The following ABCD3 variants were observed in gnomAD, a reference collection of about 807,000 sequenced individuals.
ABCD3 encodes ATP-binding cassette sub-family D member 3.
A neutral mutation model predicts 105.5 loss-of-function variants in ABCD3; 41 were observed. The ratio of observed to expected loss-of-function variants is 0.39; its 90% CI spans 0.30 to 0.50. The LOEUF is 0.50. ABCD3 is among the 20% of genes least tolerant of loss of function. The pLI is 0.84. For missense variants in ABCD3, 622 were observed against 806.3 expected (o/e 0.77, Z 2.77); for synonymous variants, 258 against 269.0 (o/e 0.96, Z 0.40).
chr1:94,410,246 T>C, the ABCD3 span, among the ~76,000 whole-genome samples: 1 of 152,212 alleles, frequency 6.6e-6, no homozygotes, highest in African/African-American at 2.4e-5. Flanking sequence ...TAGATTCCCA[T>C]AGTACTTTGA....
chr1:94,442,464 TTTACA>T (rs1310376314), intron 1 of ABCD3, among the ~76,000 whole-genome samples: 1 of 152,200 alleles, frequency 6.6e-6, no homozygotes, highest in East Asian at 1.9e-4. Flanking sequence ...TAAAATAGTC[TTTACA>T]TTAAAAAAAT....
chr1:94,437,130 C>T (rs367683607), intron 1 of ABCD3, among the ~76,000 whole-genome samples: 5 of 152,300 alleles, frequency 3.3e-5, no homozygotes, highest in African/African-American at 1.2e-4. Flanking sequence ...ACAGCAAGTA[C>T]TGATGTGGAA....
At chr1:94,388,328 G>T in the ABCD3 span, among the ~76,000 whole-genome samples, 1 of 152,136 alleles carries the variant, frequency 6.6e-6, no homozygotes, top group Non-Finnish European at 1.5e-5. Flanking sequence ...ACTGTAAAGG[G>T]TATATGTAGC....
At chr1:94,508,210 G>A (rs1557692580) in intron 21 of ABCD3, among the ~76,000 whole-genome samples, 1 of 152,132 alleles carries the variant, frequency 6.6e-6, no homozygotes, top group Non-Finnish European at 1.5e-5. Context: ...TTCTACATAT[G>A]GCTAGCCAGT....
chr1:94,476,135 T>A (rs1176522572), intron 7 of ABCD3, among the ~76,000 whole-genome samples: 2 of 152,216 alleles, frequency 1.3e-5, no homozygotes, highest in Non-Finnish European at 2.9e-5. Flanking sequence ...TCTGCTTCAG[T>A]ATCTTTAATT....
intron 21 of ABCD3, chr1:94,513,853 G>T (rs1570845840): frequency 6.6e-6 from 1 of 151,932 alleles, no homozygotes; most frequent in East Asian, 1.9e-4. Flanking sequence ...GTGTGGTATG[G>T]TTGAAATATA....
chr1:94,385,946 A>G, the ABCD3 span, among the ~76,000 whole-genome samples: 3 of 152,220 alleles, frequency 2.0e-5, no homozygotes, highest in South Asian at 6.2e-4. Context: ...TAGGAGTTAT[A>G]TTCACTTCCT....
chr1:94,385,684 T>C, the ABCD3 span, among the ~76,000 whole-genome samples: 2 of 152,242 alleles, frequency 1.3e-5, no homozygotes, highest in Non-Finnish European at 2.9e-5. Flanking sequence ...CAAAGAACTT[T>C]ACATTTCAAA....
chr1:94,412,154 C>A, the ABCD3 span, among the ~76,000 whole-genome samples: 14 of 152,086 alleles, frequency 9.2e-5, no homozygotes, highest in East Asian at 9.6e-4. Context: ...GTCATGTGAA[C>A]GTCACCTCAT....
At chr1:94,408,802 C>T in the ABCD3 span, among the ~76,000 whole-genome samples, 2 of 152,052 alleles carry the variant, frequency 1.3e-5, no homozygotes, top group African/African-American at 4.8e-5. Context: ...CTGACATGAT[C>T]ATAATTGTGT....
chr1:94,402,579 T>C, the ABCD3 span, among the ~76,000 whole-genome samples: 2 of 152,170 alleles, frequency 1.3e-5, no homozygotes, highest in African/African-American at 4.8e-5. Context: ...GATATAATAC[T>C]CTAACCTACC....
At chr1:94,472,066 A>T (rs1354604944) in intron 4 of ABCD3, 2 of 229,980 alleles carry the variant, frequency 8.7e-6, no homozygotes, top group African/African-American at 2.3e-5. Context: ...CTACAAGCAG[A>T]ATTTAAAAAT....
rs536303221 is a variant in ABCD3 at position 94,444,051 on chromosome 1, C to T, written c.111-14556C>T. ...CTTCTATCTGTGTTTTTATATTTTT[C>T]GGCTGGGCACAGTGGCTCATGCCTG... is the stretch of plus-strand genomic sequence containing the variant. On this transcript the variant is annotated intron_variant, in intron 1 of 22. Coordinates refer to ENST00000370214, the MANE Select transcript of ABCD3 (RefSeq NM_002858.4). 4.0e-5 allele frequency among the ~76,000 whole-genome samples: 6 copies of T among 151,442 alleles called. No homozygotes were observed. In the East Asian group the frequency reaches 1.2e-3, roughly 29 times the overall value.
the ABCD3 span, among the ~76,000 whole-genome samples, chr1:94,394,616 C>T: frequency 2.0e-5 from 3 of 152,230 alleles, no homozygotes; most frequent in East Asian, 1.9e-4. Context: ...CCTCAGAGAG[C>T]GGAGAGGAAA....
the ABCD3 span, among the ~76,000 whole-genome samples, chr1:94,386,023 G>A: frequency 8.6e-5 from 13 of 151,406 alleles, no homozygotes; most frequent in African/African-American, 3.2e-4. Flanking sequence ...TTTAGAATCT[G>A]TTTCTTTCTT....
At chr1:94,406,335 GTTTTGTTT>G in the ABCD3 span, 1 of 176,066 alleles carries the variant, frequency 5.7e-6, no homozygotes, top group South Asian at 8.8e-5. Flanking sequence ...ATAGTATTTT[GTTTTGTTT>G]TTTTTTTTTT....
Position 94,517,962 on chromosome 1 carries a change from G to T in ABCD3, c.*833G>T, listed in dbSNP as rs1006931659. The T allele has an allele frequency of 2.6e-5, 4 of 151,874 alleles. No homozygotes were observed. Among genetic ancestry groups the T allele is most frequent in the African/African-American group, 4.8e-5 (2 of 41,410 alleles). The allele number at this position is 151,874 out of a possible 1,614,324, so 9.4% of individuals were successfully genotyped here. A position where few individuals can be genotyped will look rare whatever the true frequency, so the allele number is the denominator to read the frequency against. On this transcript the variant is annotated 3_prime_UTR_variant, in exon 23 of 23. Coordinates refer to ENST00000370214, the MANE Select transcript of ABCD3 (RefSeq NM_002858.4). ...GTGTGTGTTAGAAGCCCATTCATTA[G>T]AAGTGTGGTGGTTATTTGGTATTAA...
rs913838663 is a variant in ABCD3, at chr1:94,507,626, G to A, written c.1845+984G>A. On this transcript the variant is annotated intron_variant, in intron 21 of 22. Coordinates refer to ENST00000370214, the MANE Select transcript of ABCD3 (RefSeq NM_002858.4). ...CCACCAACAGTGTAAAAGTGTTCCT[G>A]TTTCTCCACATCTTCTCCAGCACCT... Among the ~76,000 whole-genome samples, 18 of 152,132 alleles carry A rather than the reference G, an allele frequency of 1.2e-4. No homozygotes were observed. The South Asian group carries it at 2.9e-3, about 25-fold the overall frequency.
At chr1:94,480,151 C>G in intron 8 of ABCD3, 1 of 353,358 alleles carries the variant, frequency 2.8e-6, no homozygotes, top group Middle Eastern at 8.3e-4. Context: ...AAGAGATTAT[C>G]AAGAAGAGTT....
Sources: gnomAD v4.1 joint callset for allele counts (sites outside exome capture counted in the v4.1 genomes callset) on GRCh38, gnomAD v4.1.1 for gene constraint, MANE v1.5 for transcripts, NCBI Gene and HGNC (gene_info 2026-07-23, HGNC 2026-07-21) for gene names.